Variants in UXS1 observed in about 807,000 individuals in gnomAD.
The protein encoded by UXS1 is UDP-glucuronate decarboxylase 1.
Under a neutral mutation model 62.6 loss-of-function variants are expected in UXS1, and 33 were observed. The ratio of observed to expected loss-of-function variants is 0.53; its 90% confidence interval spans 0.40 to 0.70. The LOEUF (loss-of-function observed/expected upper bound fraction) is 0.70. Ranked by LOEUF, UXS1 falls within the 30% of genes least tolerant of loss-of-function variation. The pLI is 0.00. For synonymous variants in UXS1, 213 were observed against 206.8 expected (o/e 1.03, Z -0.26); for missense variants, 434 against 556.3 (o/e 0.78, Z 2.21).
intron 1 of UXS1, among the ~76,000 whole-genome samples, chr2:106,177,679 C>T (rs778726829): frequency 3.9e-5 from 6 of 152,208 alleles, no homozygotes; most frequent in Non-Finnish European, 7.3e-5. Context: ...TGCGAGAAGG[C>T]GCCATCTATG....
rs527561700 is a variant in UXS1, at chr2:106,167,712, A to T, written c.95-1629T>A. On this transcript the variant is annotated intron_variant, in intron 1 of 14. Transcript: ENST00000283148. ...CTATTAACTAGATTCATTATTCATT[A>T]AAAAAAATAAAAACTGCTTATGTCA... Among the ~76,000 whole-genome samples the T allele has an allele frequency of 7.2e-5, 11 of 152,056 alleles. 1 individual carries two copies. In the South Asian group the frequency reaches 1.2e-3, roughly 17 times the overall value.
intron 13 of UXS1, chr2:106,097,565 C>T (rs918684715): frequency 4.1e-5 from 10 of 244,376 alleles, no homozygotes; most frequent in Non-Finnish European, 5.0e-5. Flanking sequence ...CTCCCCCCAG[C>T]CTTAGGTTTC....
intron 1 of UXS1, among the ~76,000 whole-genome samples, chr2:106,178,559 T>G (rs1684041251): frequency 6.6e-6 from 1 of 151,062 alleles, no homozygotes; most frequent in Non-Finnish European, 1.5e-5. Context: ...TACAAGTGGG[T>G]GTGTGTGTGT....
At chr2:106,157,988 G>A in intron 5 of UXS1, 70 bp downstream of exon 5, 1 of 1,301,584 alleles carries the variant, frequency 7.7e-7, no homozygotes. Context: ...TCTATGATAT[G>A]TGAATTATCT....
chr2:106,100,894 T>C (rs1677534707), intron 12 of UXS1, 164 bp downstream of exon 12: 5 of 864,228 alleles, frequency 5.8e-6, no homozygotes, highest in Non-Finnish European at 9.1e-6. Flanking sequence ...TTGTATACTC[T>C]TACTTTGTGT....
chr2:106,183,244 A>ATT (rs1466569477), intron 1 of UXS1, among the ~76,000 whole-genome samples: 93 of 149,314 alleles, frequency 6.2e-4, no homozygotes, highest in Middle Eastern at 3.5e-3. Context: ...CTTTTTTAAA[A>ATT]AAAAAAAAAA....
intron 6 of UXS1, among the ~76,000 whole-genome samples, chr2:106,143,195 G>T (rs1009543052): frequency 1.4e-4 from 21 of 151,330 alleles, no homozygotes; most frequent in East Asian, 3.9e-4. Flanking sequence ...GATCATGAGG[G>T]CAGGAGATGG....
intron 1 of UXS1, among the ~76,000 whole-genome samples, chr2:106,185,955 ATC>A (rs1481542565): frequency 1.7e-4 from 1 of 6,056 alleles, no homozygotes; most frequent in African/African-American, 1.9e-4. Flanking sequence ...AATAATAAAT[ATC>A]TCTTGTTTCA....
chr2:106,158,049 C>A lies in UXS1; in HGVS notation c.291+9G>T. 6.4e-7 allele frequency: 1 copy of A among 1,557,944 alleles called. No homozygotes were observed. Among genetic ancestry groups the A allele is most frequent in the Admixed American group, 1.9e-5 (1 of 52,014 alleles). On this transcript the variant is annotated intron_variant, in intron 5 of 14. Coordinates refer to ENST00000283148, the MANE Select transcript of UXS1 (RefSeq NM_001253875.2). The stretch of plus-strand genomic sequence containing the variant: ...ATATTACAAATACTATTCAGGTGTG[C>A]AAACTTACCAAAATTCTTTTCCGAT...
chr2:106,146,563 G>A (rs930931027), intron 5 of UXS1, among the ~76,000 whole-genome samples: 1 of 152,074 alleles, frequency 6.6e-6, no homozygotes, highest in Non-Finnish European at 1.5e-5. Flanking sequence ...TGGATCACTT[G>A]AGATCAGGAG....
chr2:106,146,007 T>C (rs1681532408), intron 5 of UXS1, among the ~76,000 whole-genome samples: 1 of 152,332 alleles, frequency 6.6e-6, no homozygotes, highest in East Asian at 1.9e-4. Flanking sequence ...CAGAGCACGA[T>C]GAGGCAGCTG....
intron 11 of UXS1, among the ~76,000 whole-genome samples, chr2:106,104,589 A>C (rs1340829322): frequency 6.6e-6 from 1 of 152,254 alleles, no homozygotes; most frequent in Non-Finnish European, 1.5e-5. Flanking sequence ...ATGAGTCACG[A>C]TAGTCATGGA....
At chr2:106,095,849 C>T (rs1352497739) in intron 14 of UXS1, among the ~76,000 whole-genome samples, 7 of 152,230 alleles carry the variant, frequency 4.6e-5, no homozygotes, top group Non-Finnish European at 1.0e-4. Flanking sequence ...CGAGCGTTCT[C>T]TGGCGGGGAG....
Position 106,122,903 on chromosome 2 carries a change from A to G in UXS1, c.759+67T>C, listed in dbSNP as rs902988900. 33 of 1,582,096 alleles carry G rather than the reference A, an allele frequency of 2.1e-5. No individual in the cohort carries two copies. The Admixed American group carries it at 5.1e-4, about 24-fold the overall frequency. On this transcript the variant is annotated intron_variant, in intron 9 of 14. Coordinates refer to ENST00000283148, the MANE Select transcript of UXS1 (RefSeq NM_001253875.2). ...CAGTCATGGCATTCATTCCTTTACA[A>G]CACTTTACATCTGAGGTCAGGGTGC...
At chr2:106,099,653 T>C (rs576254190) in intron 12 of UXS1, among the ~76,000 whole-genome samples, 3 of 152,256 alleles carry the variant, frequency 2.0e-5, no homozygotes, top group Admixed American at 6.5e-5. Flanking sequence ...AGGAGGAACA[T>C]GGTATCTACA....
chr2:106,158,792 G>A (rs913139232), intron 4 of UXS1, among the ~76,000 whole-genome samples: 2 of 152,148 alleles, frequency 1.3e-5, no homozygotes, highest in African/African-American at 2.4e-5. Context: ...CTCAAACAGA[G>A]GTCGCAAGAT....
intron 10 of UXS1, among the ~76,000 whole-genome samples, chr2:106,108,433 C>T (rs1678278112): frequency 6.6e-6 from 1 of 152,186 alleles, no homozygotes; most frequent in African/African-American, 2.4e-5. Flanking sequence ...TCCCCCACTT[C>T]AAGATAAGGC....
chr2:106,152,625 AAG>A (rs1281866174), intron 5 of UXS1, among the ~76,000 whole-genome samples: 1 of 152,066 alleles, frequency 6.6e-6, no homozygotes, highest in African/African-American at 2.4e-5. Context: ...AGAGGAAAGA[AAG>A]AAAATATAAA....
chr2:106,108,385 G>A (rs1352147500), intron 10 of UXS1, among the ~76,000 whole-genome samples: 1 of 152,206 alleles, frequency 6.6e-6, no homozygotes, highest in African/African-American at 2.4e-5. Context: ...TGCAGACCCT[G>A]TGTACAGCCC....
Sources: gnomAD v4.1 joint callset for allele counts (sites outside exome capture counted in the v4.1 genomes callset) on GRCh38, gnomAD v4.1.1 for gene constraint, MANE v1.5 for transcripts, NCBI Gene and HGNC (gene_info 2026-07-23, HGNC 2026-07-21) for gene names.